The following IFT20 variants were observed in gnomAD, a reference collection of about 807,000 sequenced individuals.
IFT20 encodes the protein intraflagellar transport 20, also known as intraflagellar transport protein 20 homolog.
A neutral mutation model predicts 16.9 loss-of-function variants in IFT20; 4 were observed. The ratio of observed to expected loss-of-function variants is 0.24; its 90% CI spans 0.12 to 0.54. The LOEUF is 0.54. Among genes scored for constraint, IFT20 ranks in the 20% least tolerant of loss-of-function variants. IFT20 has a pLI of 0.95. For missense variants in IFT20, 154 were observed against 149.7 expected, an observed-to-expected ratio of 1.03 and a Z score of -0.15; for synonymous variants, 48 against 49.9, an observed-to-expected ratio of 0.96 and a Z score of 0.16.
At position 28,329,877 on chromosome 17, in the gene IFT20, A is replaced by G. The variant is rs150196005; in HGVS notation, c.213+566T>C. On this transcript the variant is annotated intron_variant, in intron 3 of 4. Coordinates refer to ENST00000395418, the MANE Select transcript of IFT20 (RefSeq NM_001267776.2). ...GGAGTTTGAGACCAGCCTGACCAACATGGAGAAACCCTGTCTCTACTAAAA... is the reference window on the plus strand; with the variant it reads ...GGAGTTTGAGACCAGCCTGACCAACGTGGAGAAACCCTGTCTCTACTAAAA... 9.0e-3 allele frequency: 2,392 copies of G among 265,092 alleles called. 17 individuals carry two copies. The highest frequency in any genetic ancestry group is 0.028 in the Middle Eastern group (24 of 854). 16.4% of individuals were successfully genotyped at this position (265,092 alleles called of 1,614,324 possible).
chr17:28,329,997 T>G (rs1268116313), intron 3 of IFT20: 1 of 426,656 alleles, frequency 2.3e-6, no homozygotes, highest in Non-Finnish European at 4.1e-6. Context: ...GAGGCGGAGG[T>G]TGCAGTGAGC....
At chr17:28,330,609 G>A in intron 2 of IFT20, 81 bp from the exon 3 acceptor site, 1 of 949,496 alleles carries the variant, frequency 1.1e-6, no homozygotes, top group Non-Finnish European at 1.7e-6. Context: ...CAGTGAGAGG[G>A]CAGAGCGGAC....
rs35381358 is a variant in IFT20 at position 28,328,587 on chromosome 17, GT to G, written c.*64del. ...GTCAAGCCGCTGGAATGCTACAGAGGTTTTTTTGGTTTTGAGAGGCTTTTTT... is the reference window on the plus strand; with the variant it reads ...GTCAAGCCGCTGGAATGCTACAGAGGTTTTTTGGTTTTGAGAGGCTTTTTT... On this transcript the variant is annotated 3_prime_UTR_variant, in exon 5 of 5. Transcript: ENST00000395418. The G allele has an allele frequency of 2.4e-5, 25 of 1,021,358 alleles. No individual in the cohort carries two copies. The highest frequency in any genetic ancestry group is 4.3e-5 in the South Asian group (3 of 69,794). 63.3% of individuals were successfully genotyped at this position (1,021,358 alleles called of 1,614,324 possible).
At chr17:28,330,373 G>A in intron 3 of IFT20, 70 bp downstream of exon 3, 3 of 1,045,230 alleles carry the variant, frequency 2.9e-6, no homozygotes, top group African/African-American at 1.6e-5. Flanking sequence ...AATCAAGAGG[G>A]AAGAGGGATG....
rs782272699 is a variant in IFT20, at chr17:28,329,296, G to C, written c.214-20C>G. ...GATGGCCTACAGTATTGCCAGAGAAGGCCATGGCTTCATTAAAACCATCTA... is the reference window on the plus strand; with the variant it reads ...GATGGCCTACAGTATTGCCAGAGAACGCCATGGCTTCATTAAAACCATCTA... On this transcript the variant is annotated intron_variant, in intron 3 of 4. Transcript: ENST00000395418. 6.3e-7 allele frequency: 1 copy of C among 1,593,118 alleles called. No homozygotes were observed. The highest frequency in any genetic ancestry group is 1.7e-5 in the Admixed American group (1 of 59,138).
chr17:28,335,018 G>A (rs1336054746), intron 1 of IFT20, among the ~76,000 whole-genome samples: 2 of 152,206 alleles, frequency 1.3e-5, no homozygotes, highest in Non-Finnish European at 2.9e-5. Context: ...TGGCCCAAGA[G>A]CTGGGACTAA....
intron 4 of IFT20, 94 bp downstream of exon 4, chr17:28,329,079 A>C: frequency 1.2e-6 from 1 of 832,144 alleles, no homozygotes; most frequent in Non-Finnish European, 2.0e-6. Context: ...CTGGGAAAAC[A>C]ATGATGAAGA....
At chr17:28,334,420 C>T (rs188373809) in intron 1 of IFT20, among the ~76,000 whole-genome samples, 2 of 152,236 alleles carry the variant, frequency 1.3e-5, no homozygotes, top group Admixed American at 6.5e-5. Context: ...GAGAAGGGAA[C>T]AGAATGAGGC....
At chr17:28,332,394 C>T in intron 1 of IFT20, 1 of 550,586 alleles carries the variant, frequency 1.8e-6, no homozygotes, top group Non-Finnish European at 3.2e-6. Context: ...TGGAAGAAGA[C>T]AGACACGGAA....
At chr17:28,333,659 A>G (rs1906936423) in intron 1 of IFT20, among the ~76,000 whole-genome samples, 1 of 152,226 alleles carries the variant, frequency 6.6e-6, no homozygotes, top group Admixed American at 6.5e-5. Flanking sequence ...TGGCCAGTGC[A>G]GTAGCTCATG....
chr17:28,334,275 A>G (rs1464265118), intron 1 of IFT20, among the ~76,000 whole-genome samples: 4 of 152,246 alleles, frequency 2.6e-5, no homozygotes, highest in African/African-American at 9.6e-5. Flanking sequence ...AATGACACTT[A>G]AACAGACCTA....
intron 1 of IFT20, chr17:28,332,501 AGTT>A: frequency 3.2e-6 from 1 of 316,766 alleles, no homozygotes; most frequent in Non-Finnish European, 6.0e-6. Flanking sequence ...ATGTGAACTA[AGTT>A]GTAAGCCATC....
At position 28,331,980 on chromosome 17, in the gene IFT20, G is replaced by A. The variant is rs1555576635; in HGVS notation, c.6C>T (p.Ala2=). 2.5e-6 allele frequency: 4 copies of A among 1,614,162 alleles called. No homozygotes were observed. Among genetic ancestry groups the A allele is most frequent in the Non-Finnish European group, 3.4e-6 (4 of 1,180,020 alleles). ...GCCCTGCTTCACCCAGGATGTCCTTGGCCATGGCTGTAAAGAAACAGGCCC... is the reference window on the plus strand; with the variant it reads ...GCCCTGCTTCACCCAGGATGTCCTTAGCCATGGCTGTAAAGAAACAGGCCC... M[A]KDILGEAGLH... Residue 2 remains alanine, a synonymous_variant, in exon 2 of 5, where the codon GCC becomes GCT. Coordinates refer to ENST00000395418, the MANE Select transcript of IFT20 (RefSeq NM_001267776.2).
intron 2 of IFT20, among the ~76,000 whole-genome samples, chr17:28,330,863 G>T (rs1233832971): frequency 6.6e-6 from 1 of 152,216 alleles, no homozygotes; most frequent in Non-Finnish European, 1.5e-5. Flanking sequence ...CCTAGAGAAG[G>T]GTGGCCAGCT....
intron 1 of IFT20, chr17:28,332,324 T>C: frequency 1.1e-6 from 1 of 944,270 alleles, no homozygotes; most frequent in Non-Finnish European, 1.6e-6. Context: ...CACTGCTAGA[T>C]GCTGGGGGTA....
intron 4 of IFT20, chr17:28,328,943 G>C: frequency 3.2e-6 from 2 of 617,240 alleles, no homozygotes; most frequent in Middle Eastern, 4.4e-4. Flanking sequence ...AGCCAACTTC[G>C]TGGACCCTTT....
At position 28,330,415 on chromosome 17, in the gene IFT20, A is replaced by T. The variant is rs114677286; in HGVS notation, c.213+28T>A. The T allele has an allele frequency of 1.7e-4, 259 of 1,536,370 alleles. 2 individuals carry two copies. The African/African-American group carries it at 3.2e-3, about 19-fold the overall frequency. On this transcript the variant is annotated intron_variant, in intron 3 of 4. Transcript: ENST00000395418. ...TAGTGAACTAGGGTCCCAGGCCAAG[A>T]TGTAGGCGGAAGACATGCTGATCTT...
Position 28,330,533 on chromosome 17 carries a change from T to C in IFT20, c.128-5A>G. The C allele has an allele frequency of 1.9e-6, 3 of 1,592,548 alleles. No individual in the cohort carries two copies. The highest frequency in any genetic ancestry group is 1.3e-5 in the African/African-American group (1 of 74,602). ...TTTTCTGAAACTGGCCAATTTCTTT[T>C]AGGAAAAGAACAAAAAATAAAATAT... On this transcript the variant is annotated splice_region_variant and splice_polypyrimidine_tract_variant and intron_variant, in intron 2 of 4. Coordinates refer to ENST00000395418, the MANE Select transcript of IFT20 (RefSeq NM_001267776.2).
chr17:28,332,342 G>A (rs1467304963), intron 1 of IFT20: 1 of 809,558 alleles, frequency 1.2e-6, no homozygotes, highest in African/African-American at 1.7e-5. Flanking sequence ...GTACAAAGAT[G>A]AATGCAACAC....
Sources: gnomAD v4.1 joint callset for allele counts (sites outside exome capture counted in the v4.1 genomes callset) on GRCh38, gnomAD v4.1.1 for gene constraint, MANE v1.5 for transcripts, NCBI Gene and HGNC (gene_info 2026-07-23, HGNC 2026-07-21) for gene names.